EHBP1: variants seen among roughly 807,000 people sequenced by gnomAD.
EHBP1 encodes the protein EH domain-binding protein 1.
EHBP1 carries 55 observed loss-of-function variants against 144.0 expected under a neutral mutation model. The ratio of observed to expected loss-of-function variants is 0.38; its 90% CI spans 0.31 to 0.48. The LOEUF is 0.48. Among genes scored for constraint, EHBP1 ranks in the 20% least tolerant of loss-of-function variants. The probability of loss-of-function intolerance (pLI) is 0.98; values close to 1 mark genes in which losing one functional copy is unlikely to be tolerated. For synonymous variants in EHBP1, 469 were observed against 472.7 expected (o/e 0.99, Z 0.10); for missense variants, 1,200 against 1,364.2 (o/e 0.88, Z 1.90).
intron 5 of EHBP1, among the ~76,000 whole-genome samples, chr2:62,824,892 A>G (rs1008677814): frequency 1.3e-5 from 2 of 151,918 alleles, no homozygotes; most frequent in African/African-American, 4.8e-5. Flanking sequence ...AGATTTATTA[A>G]ATAATAGTTC....
rs1363578526 is a variant in EHBP1, at chr2:62,948,502, G to A, written c.1656G>A (p.Glu552=). The change falls in exon 13 of 23, where the codon GAG becomes GAA. Residue 552 remains glutamate (E), a synonymous_variant. Coordinates refer to ENST00000431489, the MANE Select transcript of EHBP1 (RefSeq NM_001142616.3). ...TTGATCAAGAAAAATTCTATGCAGA[G>A]CTTAGTGATCTGAAGCGGGAGCCTG... ...SSVDQEKFYA[E]LSDLKREPEL... The A allele has an allele frequency of 6.2e-7, 1 of 1,614,044 alleles. No individual in the cohort carries two copies. Among genetic ancestry groups the A allele is most frequent in the African/African-American group, 1.3e-5 (1 of 75,064 alleles).
chr2:62,749,995 C>G (rs1319129320), intron 3 of EHBP1, among the ~76,000 whole-genome samples: 4 of 152,138 alleles, frequency 2.6e-5, no homozygotes, highest in Non-Finnish European at 4.4e-5. Flanking sequence ...TAATTAAGTA[C>G]CATTTGTCAA....
At chr2:62,842,645 A>C (rs2047993664) in intron 7 of EHBP1, among the ~76,000 whole-genome samples, 1 of 152,208 alleles carries the variant, frequency 6.6e-6, no homozygotes, top group African/African-American at 2.4e-5. Context: ...GTACTACCAT[A>C]TACAAATGTA....
At chr2:62,866,474 G>A (rs1240362604) in intron 9 of EHBP1, among the ~76,000 whole-genome samples, 1 of 152,120 alleles carries the variant, frequency 6.6e-6, no homozygotes, top group Non-Finnish European at 1.5e-5. Context: ...GATCAACCTG[G>A]TAAAATAACT....
chr2:63,038,701 T>C, intron 20 of EHBP1, 42 bp from the exon 21 acceptor site: 4 of 1,554,990 alleles, frequency 2.6e-6, no homozygotes, highest in South Asian at 1.1e-5. Flanking sequence ...TTTTTAATGA[T>C]TTAGTAATTA....
chr2:63,045,133 G>T lies in EHBP1; in HGVS notation c.3345G>T (p.Val1115=). Residue 1115 remains valine, a synonymous_variant, in exon 22 of 23, where the codon GTG becomes GTT. Transcript: ENST00000431489. This position sits in a 1 kb window ranked among gnomAD's most constrained non-coding sequence, Gnocchi z 5.7. ...TGCTAGATGAGCTGGTGGCCCTGGT[G>T]AACAAGCGCGATGCGCTCGTCAGGG... is the stretch of plus-strand genomic sequence containing the variant. ...QLLLDELVAL[V]NKRDALVRDL... is the part of the protein sequence containing the mutation. The T allele has an allele frequency of 6.3e-7, 1 of 1,597,666 alleles. No individual in the cohort carries two copies. The highest frequency in any genetic ancestry group is 2.3e-5 in the East Asian group (1 of 44,052).
intron 2 of EHBP1, among the ~76,000 whole-genome samples, chr2:62,709,542 T>C (rs1429910527): frequency 1.3e-5 from 2 of 152,198 alleles, no homozygotes; most frequent in African/African-American, 2.4e-5. Flanking sequence ...TTTTAAGTTA[T>C]TAATTTTTAA....
intron 5 of EHBP1, among the ~76,000 whole-genome samples, chr2:62,814,244 G>A (rs2045273568): frequency 6.6e-6 from 1 of 152,174 alleles, no homozygotes; most frequent in Admixed American, 6.5e-5. Flanking sequence ...TTCTTTATTG[G>A]GAGAGTGGGT....
At chr2:62,867,589 T>C (rs1015392920) in intron 9 of EHBP1, among the ~76,000 whole-genome samples, 2 of 152,044 alleles carry the variant, frequency 1.3e-5, no homozygotes, top group African/African-American at 4.8e-5. Context: ...GTGAAATCAA[T>C]GGGAAAAAAT....
chr2:62,778,816 C>G (rs547516095), intron 5 of EHBP1, among the ~76,000 whole-genome samples: 1 of 152,002 alleles, frequency 6.6e-6, no homozygotes, highest in Non-Finnish European at 1.5e-5. Flanking sequence ...ATTACTTCTA[C>G]TTTTTCTTTC....
intron 5 of EHBP1, among the ~76,000 whole-genome samples, chr2:62,813,481 A>C (rs1428669823): frequency 6.6e-6 from 1 of 152,196 alleles, no homozygotes; most frequent in African/African-American, 2.4e-5. Context: ...GAGAGTCCTC[A>C]CCAAGGTGAT....
In EHBP1 at chr2:62,830,195, C is replaced by CACACACAT. The variant is rs1400040654; in HGVS notation, c.495-823_495-822insCACACATA. ...ACACACACACACACACACACACACA[C>CACACACAT]ATATATATACACATATACACACACA... On this transcript the variant is annotated intron_variant, in intron 6 of 22. Coordinates refer to ENST00000431489, the MANE Select transcript of EHBP1 (RefSeq NM_001142616.3). Among the ~76,000 whole-genome samples, 617 of 116,220 alleles carry CACACACAT rather than the reference C, an allele frequency of 5.3e-3. 1 individual carries two copies. The highest frequency in any genetic ancestry group is 0.014 in the Middle Eastern group (3 of 208). 76.2% of individuals were successfully genotyped at this position (116,220 alleles called of 152,430 possible).
intron 7 of EHBP1, among the ~76,000 whole-genome samples, chr2:62,847,355 C>T (rs2048365629): frequency 6.6e-6 from 1 of 151,930 alleles, no homozygotes; most frequent in Non-Finnish European, 1.5e-5. Flanking sequence ...AGATCATAGA[C>T]CTAAATACAA....
chr2:62,757,426 C>CTTTTTTTTTTTTTTTTT (rs555494268), intron 3 of EHBP1, among the ~76,000 whole-genome samples: 10 of 113,034 alleles, frequency 8.8e-5, no homozygotes, highest in South Asian at 2.9e-4. Flanking sequence ...TTTTTTTTTT[C>CTTTTTTTTTTTTTTTTT]TTTTTTTTTT....
chr2:63,015,901 CAT>C (rs2060467600), intron 19 of EHBP1, among the ~76,000 whole-genome samples: 1 of 152,052 alleles, frequency 6.6e-6, no homozygotes, highest in Non-Finnish European at 1.5e-5. Context: ...GACATCTACT[CAT>C]ATAAAATATA....
intron 7 of EHBP1, among the ~76,000 whole-genome samples, chr2:62,833,575 A>G (rs757103540): frequency 2.0e-5 from 3 of 152,224 alleles, no homozygotes; most frequent in Non-Finnish European, 4.4e-5. Context: ...CCTGCCGTAC[A>G]GAAAAAAGAT....
chr2:62,715,959 C>T (rs566848658), intron 2 of EHBP1, among the ~76,000 whole-genome samples: 4 of 152,290 alleles, frequency 2.6e-5, no homozygotes, highest in East Asian at 1.9e-4. Context: ...GCTAAGATAA[C>T]GTCAAAATTT....
chr2:62,681,340 G>GTATATATGTATATATATATATA (rs2033511646), intron 1 of EHBP1, among the ~76,000 whole-genome samples: 2 of 58,554 alleles, frequency 3.4e-5, no homozygotes, highest in Non-Finnish European at 6.0e-5. Flanking sequence ...ATGTGTGTGT[G>GTATATATGTATATATATATATA]TATATATATA....
chr2:63,004,461 A>G (rs1375964370), intron 19 of EHBP1, among the ~76,000 whole-genome samples: 3 of 152,098 alleles, frequency 2.0e-5, no homozygotes, highest in Non-Finnish European at 4.4e-5. Flanking sequence ...TCTAATACCA[A>G]ATGACAGTGA....
Sources: gnomAD v4.1 joint callset for allele counts (sites outside exome capture counted in the v4.1 genomes callset) on GRCh38, gnomAD v4.1.1 for gene constraint, Gnocchi (gnomAD v3.1) non-coding constraint, MANE v1.5 for transcripts, NCBI Gene and HGNC (gene_info 2026-07-23, HGNC 2026-07-21) for gene names.